ADGRV1: variants seen among roughly 807,000 people sequenced by gnomAD.
The protein encoded by ADGRV1 is G-protein coupled receptor 98.
ADGRV1 carries 359 observed loss-of-function variants against 596.2 expected under a neutral mutation model. The observed-to-expected ratio is 0.60, with a 90% CI of 0.55 to 0.66. The LOEUF (loss-of-function observed/expected upper bound fraction) is 0.66, where lower values mean the gene tolerates loss of function less well. Among genes scored for constraint, ADGRV1 ranks in the 30% least tolerant of loss-of-function variants. The pLI is 0.00. For missense variants in ADGRV1, 7,274 were observed against 7,575.6 expected, an observed-to-expected ratio of 0.96 and a Z score of 1.48; for synonymous variants, 2,681 against 2,679.2, an observed-to-expected ratio of 1.00 and a Z score of -0.02.
intron 83 of ADGRV1, among the ~76,000 whole-genome samples, chr5:90,934,710 A>G (rs1775532937): frequency 6.6e-6 from 1 of 152,248 alleles, no homozygotes; most frequent in Non-Finnish European, 1.5e-5. Context: ...ACAAAATACA[A>G]CAGACTGTGT....
intron 28 of ADGRV1, among the ~76,000 whole-genome samples, chr5:90,685,095 T>C (rs1021582196): frequency 5.3e-5 from 8 of 152,202 alleles, no homozygotes; most frequent in Admixed American, 5.2e-4. Context: ...TTTTCCTTTT[T>C]GATAACTTTT....
chr5:90,611,134 C>T (rs967383394), intron 1 of ADGRV1, among the ~76,000 whole-genome samples: 2 of 151,770 alleles, frequency 1.3e-5, no homozygotes, highest in African/African-American at 4.8e-5. Context: ...GCATGATGTA[C>T]AGGTACACAA....
chr5:91,026,825 C>G (rs1472564392), intron 85 of ADGRV1, among the ~76,000 whole-genome samples: 1 of 151,910 alleles, frequency 6.6e-6, no homozygotes, highest in Non-Finnish European at 1.5e-5. Context: ...GATCCGAGAC[C>G]CACAGAACCA....
chr5:91,044,437 T>A (rs1383197227), intron 85 of ADGRV1, among the ~76,000 whole-genome samples: 6 of 152,218 alleles, frequency 3.9e-5, no homozygotes, highest in Admixed American at 3.3e-4. Flanking sequence ...GTCACTTTTT[T>A]AAGTAGTAAT....
intron 1 of ADGRV1, among the ~76,000 whole-genome samples, chr5:90,560,278 A>G (rs997849182): frequency 6.6e-6 from 1 of 152,138 alleles, no homozygotes; most frequent in African/African-American, 2.4e-5. Context: ...AGATACACAG[A>G]CTTTAAAAAT....
At chr5:90,805,774 A>C (rs1031609751) in intron 72 of ADGRV1, among the ~76,000 whole-genome samples, 2 of 152,226 alleles carry the variant, frequency 1.3e-5, no homozygotes, top group African/African-American at 4.8e-5. Context: ...AGAAAAATAA[A>C]AATACATACA....
At chr5:90,728,999 A>ATT (rs1752172788) in intron 49 of ADGRV1, 66 bp downstream of exon 49, 1 of 1,113,474 alleles carries the variant, frequency 9.0e-7, no homozygotes, top group African/African-American at 1.6e-5. Context: ...CATATGGTAT[A>ATT]TTTTATATGA....
chr5:90,969,792 C>G (rs549873299), intron 84 of ADGRV1, among the ~76,000 whole-genome samples: 1 of 152,186 alleles, frequency 6.6e-6, no homozygotes, highest in Non-Finnish European at 1.5e-5. Context: ...CAGCTCCTAG[C>G]GTGAGCAACA....
At chr5:91,058,071 T>C (rs938588192) in intron 85 of ADGRV1, among the ~76,000 whole-genome samples, 1 of 152,188 alleles carries the variant, frequency 6.6e-6, no homozygotes, top group Non-Finnish European at 1.5e-5. Context: ...ATTTGCAGAA[T>C]ATGGTCCCTG....
intron 83 of ADGRV1, among the ~76,000 whole-genome samples, chr5:90,932,115 T>C (rs944460988): frequency 1.1e-4 from 17 of 152,198 alleles, no homozygotes; most frequent in Admixed American, 9.8e-4. Context: ...CGTGGGTAAA[T>C]CTGTATGTAA....
chr5:91,069,149 A>T (rs1788155106), intron 85 of ADGRV1, among the ~76,000 whole-genome samples: 1 of 152,194 alleles, frequency 6.6e-6, no homozygotes, highest in African/African-American at 2.4e-5. Context: ...CTCAGGATGG[A>T]TTAAAGACTT....
intron 19 of ADGRV1, 59 bp downstream of exon 19, chr5:90,652,622 A>G (rs1481874854): frequency 2.7e-6 from 3 of 1,101,482 alleles, no homozygotes; most frequent in Non-Finnish European, 3.8e-6. Flanking sequence ...TAAATTTTAC[A>G]TTTTATACTT....
rs374641422 is a variant in ADGRV1 at position 90,621,695 on chromosome 5, G to T, written c.454-902G>T. Among the ~76,000 whole-genome samples the T allele has an allele frequency of 6.1e-4, 93 of 151,988 alleles. 1 individual carries two copies. Among genetic ancestry groups the T allele is most frequent in the African/African-American group, 2.1e-3 (89 of 41,458 alleles). On this transcript the variant is annotated intron_variant, in intron 4 of 89. Transcript: ENST00000405460. ...GGGTCCTAGGTCCCTGACTGGTGGG[G>T]GTCTCAGTGCTGCCAGGCAGCCTCT...
At chr5:90,772,327 A>G (rs755878931) in intron 59 of ADGRV1, among the ~76,000 whole-genome samples, 34 of 152,146 alleles carry the variant, frequency 2.2e-4, no homozygotes, top group Admixed American at 4.6e-4. Context: ...AGAAGCCAAC[A>G]CCTTGACTTT....
intron 59 of ADGRV1, among the ~76,000 whole-genome samples, chr5:90,768,584 C>A (rs1034277946): frequency 6.6e-6 from 1 of 152,218 alleles, no homozygotes; most frequent in Admixed American, 6.5e-5. Flanking sequence ...CAAAATGTAG[C>A]AGTGACTGTG....
At chr5:90,836,205 T>C (rs1764953410) in intron 77 of ADGRV1, among the ~76,000 whole-genome samples, 1 of 152,188 alleles carries the variant, frequency 6.6e-6, no homozygotes, top group Admixed American at 6.5e-5. Context: ...TGAACTACCT[T>C]ATGACTCAGG....
intron 83 of ADGRV1, among the ~76,000 whole-genome samples, chr5:90,903,581 C>A (rs920977093): frequency 1.3e-5 from 2 of 151,990 alleles, no homozygotes; most frequent in Middle Eastern, 6.8e-3. Flanking sequence ...CTCAAGCCAA[C>A]AGGCAAGCAG....
intron 84 of ADGRV1, among the ~76,000 whole-genome samples, chr5:90,979,932 A>G (rs1465236874): frequency 6.6e-6 from 1 of 152,208 alleles, no homozygotes; most frequent in Non-Finnish European, 1.5e-5. Flanking sequence ...TAACATCTAT[A>G]TAACTTATTA....
At position 90,720,143 on chromosome 5, in the gene ADGRV1, G is replaced by A. The variant is rs1374731193; in HGVS notation, c.9543G>A (p.Gly3181=). Residue 3181 remains glycine (G), a synonymous_variant, in exon 44 of 90, where the codon GGG becomes GGA. Transcript: ENST00000405460. ...LFNPTGGARL[G]VHVQTLITVL... ...ATCCAACTGGAGGTGCTAGACTAGG[G>A]GTGCATGTTCAAACCCTGATAACAG... The A allele has an allele frequency of 6.2e-7, 1 of 1,613,268 alleles. No homozygotes were observed. Among genetic ancestry groups the A allele is most frequent in the Admixed American group, 1.7e-5 (1 of 59,990 alleles).
Sources: gnomAD v4.1 joint callset for allele counts (sites outside exome capture counted in the v4.1 genomes callset) on GRCh38, gnomAD v4.1.1 for gene constraint, MANE v1.5 for transcripts, NCBI Gene and HGNC (gene_info 2026-07-23, HGNC 2026-07-21) for gene names.